Variants in DPP10 observed in about 807,000 individuals in gnomAD.
DPP10 encodes the protein inactive dipeptidyl peptidase 10.
In DPP10, 33 loss-of-function variants were observed where a neutral mutation model predicts 120.9. The observed-to-expected ratio is 0.27, with a 90% confidence interval of 0.21 to 0.37. DPP10 has a LOEUF of 0.37. Ranked by LOEUF, DPP10 falls within the 10% of genes least tolerant of loss-of-function variation. The pLI is 1.00. For synonymous variants in DPP10, 337 were observed against 326.1 expected, an observed-to-expected ratio of 1.03 and a Z score of -0.36; for missense variants, 816 against 942.8, an observed-to-expected ratio of 0.87 and a Z score of 1.76.
chr2:115,102,670 A>G (rs1453242566), intron 1 of DPP10, among the ~76,000 whole-genome samples: 1 of 151,950 alleles, frequency 6.6e-6, no homozygotes, highest in Non-Finnish European at 1.5e-5. Flanking sequence ...CGGCCTCCCA[A>G]GGTGCCGGGA....
At chr2:115,144,341 G>A (rs2051099783) in intron 1 of DPP10, 1 of 152,112 alleles carries the variant, frequency 6.6e-6, no homozygotes, top group Non-Finnish European at 1.5e-5. Context: ...CCATTCTCAT[G>A]CAGAGACACT....
At chr2:114,466,283 A>G (rs1371066050) in intron 1 of DPP10, among the ~76,000 whole-genome samples, 2 of 152,226 alleles carry the variant, frequency 1.3e-5, no homozygotes, top group Non-Finnish European at 2.9e-5. Flanking sequence ...GGAAAATAAT[A>G]ACATAAACAT....
At chr2:114,474,999 T>C (rs1680256976) in intron 1 of DPP10, among the ~76,000 whole-genome samples, 1 of 152,210 alleles carries the variant, frequency 6.6e-6, no homozygotes, top group African/African-American at 2.4e-5. Context: ...TATTTGTTCT[T>C]GAAGCAATCT....
At chr2:115,023,038 A>G (rs1447908041) in intron 1 of DPP10, among the ~76,000 whole-genome samples, 4 of 152,218 alleles carry the variant, frequency 2.6e-5, no homozygotes, top group African/African-American at 7.2e-5. Context: ...ATCTGAAACC[A>G]GAAAGATTCT....
At chr2:115,439,743 T>C (rs887911550) in intron 3 of DPP10, among the ~76,000 whole-genome samples, 2 of 152,166 alleles carry the variant, frequency 1.3e-5, no homozygotes, top group Non-Finnish European at 2.9e-5. Context: ...TTACCACACA[T>C]GTATTTATTC....
intron 3 of DPP10, among the ~76,000 whole-genome samples, chr2:115,479,458 G>A (rs1358109957): frequency 3.3e-5 from 5 of 152,096 alleles, no homozygotes; most frequent in African/African-American, 1.2e-4. Flanking sequence ...AGTTTTGCAA[G>A]ATGAAAGGGG....
Position 115,164,169 on chromosome 2 carries a change from T to C in DPP10, c.61-145070T>C, listed in dbSNP as rs562778003. Among the ~76,000 whole-genome samples, 4 of 152,276 alleles carry C rather than the reference T, an allele frequency of 2.6e-5. No individual in the cohort carries two copies. In the East Asian group the frequency reaches 7.7e-4, roughly 29 times the overall value. On this transcript the variant is annotated intron_variant, in intron 1 of 25. Coordinates refer to ENST00000410059, the MANE Select transcript of DPP10 (RefSeq NM_020868.6). ...TTTACAAAGAAAGTCAACTGAAATA[T>C]ACACATGGCACCTCGCAGTGAGGGT...
chr2:114,625,800 T>C (rs896787289), intron 1 of DPP10, among the ~76,000 whole-genome samples: 10 of 152,056 alleles, frequency 6.6e-5, no homozygotes, highest in African/African-American at 2.4e-4. Context: ...CTTGTCAACA[T>C]ATAAGATATT....
chr2:115,138,206 C>T (rs1374230022), intron 1 of DPP10, among the ~76,000 whole-genome samples: 1 of 151,914 alleles, frequency 6.6e-6, no homozygotes, highest in African/African-American at 2.4e-5. Flanking sequence ...TTTTAGTGCC[C>T]TATTGAACAC....
At chr2:114,668,072 C>T (rs1189169433) in intron 1 of DPP10, among the ~76,000 whole-genome samples, 1 of 151,644 alleles carries the variant, frequency 6.6e-6, no homozygotes, top group Admixed American at 6.6e-5. Flanking sequence ...AAGTATTGGT[C>T]CTGAGTTCTC....
chr2:115,107,500 C>T (rs1207360441), intron 1 of DPP10, among the ~76,000 whole-genome samples: 2 of 127,280 alleles, frequency 1.6e-5, no homozygotes, highest in African/African-American at 5.8e-5. Flanking sequence ...AAAATCAAAG[C>T]CTATATTTTA....
At chr2:115,761,768 A>G (rs967678070) in intron 11 of DPP10, among the ~76,000 whole-genome samples, 1 of 152,142 alleles carries the variant, frequency 6.6e-6, no homozygotes, top group African/African-American at 2.4e-5. Context: ...AAAAGAAATT[A>G]GTATTTAAAA....
chr2:115,098,849 A>G (rs1279596128), intron 1 of DPP10, among the ~76,000 whole-genome samples: 1 of 152,170 alleles, frequency 6.6e-6, no homozygotes, highest in Non-Finnish European at 1.5e-5. Flanking sequence ...GCTTCTGAAG[A>G]TCTGGGTAGC....
At chr2:115,300,635 C>T (rs1295566457) in intron 1 of DPP10, among the ~76,000 whole-genome samples, 1 of 151,838 alleles carries the variant, frequency 6.6e-6, no homozygotes, top group Non-Finnish European at 1.5e-5. Flanking sequence ...AATGATAATC[C>T]TGTTTTACTG....
rs939321136 is a variant in DPP10 at position 115,604,501 on chromosome 2, A to AGCC, written c.441+78530_441+78532dup. 1.1e-3 allele frequency among the ~76,000 whole-genome samples: 160 copies of AGCC among 152,258 alleles called. 1 individual carries two copies. The highest frequency in any genetic ancestry group is 3.6e-3 in the African/African-American group (149 of 41,572). ...CAATAGAACATAACAGCAGTCTCTG[A>AGCC]GCCTGAGCTGGTTAGCCACCATAGT... On this transcript the variant is annotated intron_variant, in intron 5 of 25. Transcript: ENST00000410059.
intron 7 of DPP10, among the ~76,000 whole-genome samples, chr2:115,723,219 C>A (rs2092688143): frequency 6.6e-6 from 1 of 152,178 alleles, no homozygotes; most frequent in South Asian, 2.1e-4. Flanking sequence ...CAACAGACAA[C>A]CTCCAATGTT....
chr2:115,018,402 T>C (rs897576721), intron 1 of DPP10, among the ~76,000 whole-genome samples: 10 of 152,178 alleles, frequency 6.6e-5, no homozygotes, highest in African/African-American at 2.2e-4. Flanking sequence ...TAAAGACATA[T>C]GCACACATAT....
intron 2 of DPP10, among the ~76,000 whole-genome samples, chr2:115,327,088 G>GT (rs1304962738): frequency 1.3e-5 from 2 of 151,944 alleles, no homozygotes; most frequent in Admixed American, 6.6e-5. Flanking sequence ...CATTTATAAT[G>GT]TTTTTTAACT....
At chr2:115,677,829 T>G (rs2090380914) in intron 5 of DPP10, among the ~76,000 whole-genome samples, 1 of 152,174 alleles carries the variant, frequency 6.6e-6, no homozygotes, top group African/African-American at 2.4e-5. Flanking sequence ...AGCTGGGGAC[T>G]TTAACGCCTG....
Sources: gnomAD v4.1 joint callset for allele counts (sites outside exome capture counted in the v4.1 genomes callset) on GRCh38, gnomAD v4.1.1 for gene constraint, MANE v1.5 for transcripts, NCBI Gene and HGNC (gene_info 2026-07-23, HGNC 2026-07-21) for gene names.